RBFOX1: variants seen among roughly 807,000 people sequenced by gnomAD.
RBFOX1 encodes RNA binding fox-1 homolog 1.
Under a neutral mutation model 57.7 loss-of-function variants are expected in RBFOX1, and 8 were observed. The ratio of observed to expected loss-of-function variants is 0.14; its 90% CI spans 0.08 to 0.25. RBFOX1 has a LOEUF of 0.25. Among genes scored for constraint, RBFOX1 ranks in the 10% least tolerant of loss-of-function variants. The pLI is 1.00. For synonymous variants in RBFOX1, 326 were observed against 222.4 expected (o/e 1.47, Z -4.15); for missense variants, 611 against 548.5 (o/e 1.11, Z -1.14).
intron 1 of RBFOX1, among the ~76,000 whole-genome samples, chr16:6,248,444 T>G (rs185361697): frequency 6.6e-6 from 1 of 152,272 alleles, no homozygotes; most frequent in African/African-American, 2.4e-5. Flanking sequence ...GACATGGGTA[T>G]AAATAAGCTT....
chr16:7,120,229 G>C (rs533301816), intron 4 of RBFOX1, among the ~76,000 whole-genome samples: 103 of 151,990 alleles, frequency 6.8e-4, no homozygotes, highest in Non-Finnish European at 1.4e-3. Context: ...TTCTATTAGA[G>C]AATAAGAACG....
At chr16:7,112,891 C>G (rs914766029) in intron 4 of RBFOX1, among the ~76,000 whole-genome samples, 2 of 152,050 alleles carry the variant, frequency 1.3e-5, no homozygotes, top group African/African-American at 4.8e-5. Context: ...TATAATGCTA[C>G]TTACCTAATT....
At chr16:6,610,832 C>T (rs13334507) in intron 2 of RBFOX1, among the ~76,000 whole-genome samples, 104,548 of 152,016 alleles carry the variant, frequency 0.69, 36,692 homozygotes, top group Admixed American at 0.75. Flanking sequence ...TCTGGGCATA[C>T]ATACCACTTA....
intron 1 of RBFOX1, among the ~76,000 whole-genome samples, chr16:5,361,874 G>C (rs1596659686): frequency 6.6e-6 from 1 of 152,226 alleles, no homozygotes; most frequent in Non-Finnish European, 1.5e-5. Context: ...TTTACAGCCT[G>C]CTGCTCACAG....
chr16:7,549,306 T>G (rs2085599216), intron 5 of RBFOX1, among the ~76,000 whole-genome samples: 1 of 152,152 alleles, frequency 6.6e-6, no homozygotes, highest in Non-Finnish European at 1.5e-5. Flanking sequence ...AAGAAGTGTT[T>G]GAAATGAGGT....
chr16:5,505,686 G>A (rs773448519), intron 2 of RBFOX1, among the ~76,000 whole-genome samples: 12 of 152,150 alleles, frequency 7.9e-5, no homozygotes, highest in Non-Finnish European at 1.3e-4. Context: ...GCCTTGAATT[G>A]TGTGACAAAA....
At chr16:6,042,126 A>T (rs191044744) in intron 1 of RBFOX1, among the ~76,000 whole-genome samples, 206 of 146,950 alleles carry the variant, frequency 1.4e-3, no homozygotes, top group African/African-American at 4.9e-3. Context: ...TTTGAGACAG[A>T]GTCTCCCACT....
At chr16:7,389,472 C>T (rs913057119) in intron 4 of RBFOX1, among the ~76,000 whole-genome samples, 1 of 152,100 alleles carries the variant, frequency 6.6e-6, no homozygotes, top group Non-Finnish European at 1.5e-5. Context: ...GCTTGCTTCC[C>T]CTGAAGCCTG....
chr16:6,208,256 G>A (rs2097268314), intron 1 of RBFOX1, among the ~76,000 whole-genome samples: 1 of 151,984 alleles, frequency 6.6e-6, no homozygotes, highest in Admixed American at 6.6e-5. Flanking sequence ...TCTGGGTGAT[G>A]GGATATGGAA....
chr16:6,530,289 A>G (rs2096638898), intron 2 of RBFOX1, among the ~76,000 whole-genome samples: 1 of 152,090 alleles, frequency 6.6e-6, no homozygotes. Context: ...GTGTGCTTGC[A>G]TTCCTCTTAT....
At chr16:5,564,006 G>GT (rs202217071) in intron 2 of RBFOX1, among the ~76,000 whole-genome samples, 65 of 152,112 alleles carry the variant, frequency 4.3e-4, no homozygotes, top group Non-Finnish European at 6.8e-4. Flanking sequence ...GTAGGAGAGA[G>GT]TTTTTTTAAA....
At chr16:7,384,053 C>CAA (rs34230094) in intron 4 of RBFOX1, among the ~76,000 whole-genome samples, 22 of 95,884 alleles carry the variant, frequency 2.3e-4, no homozygotes, top group African/African-American at 3.1e-4. Context: ...GACTCCATCT[C>CAA]AAAAAAAAAA....
At chr16:7,023,564 TAAAAAAA>T (rs34056673) in intron 3 of RBFOX1, among the ~76,000 whole-genome samples, 15 of 43,928 alleles carry the variant, frequency 3.4e-4, no homozygotes, top group Middle Eastern at 0.024. Flanking sequence ...TCGTCTGTAC[TAAAAAAA>T]AAAAAAAAAA....
intron 2 of RBFOX1, among the ~76,000 whole-genome samples, chr16:5,545,955 A>C (rs963839684): frequency 2.4e-4 from 37 of 152,220 alleles, no homozygotes; most frequent in African/African-American, 8.9e-4. Flanking sequence ...TTTTTGCTGA[A>C]CAACTATGAA....
intron 3 of RBFOX1, among the ~76,000 whole-genome samples, chr16:6,896,028 G>T (rs1301273746): frequency 2.6e-5 from 4 of 152,104 alleles, no homozygotes; most frequent in African/African-American, 7.2e-5. Flanking sequence ...TATCCATTGG[G>T]TTGGGAGGCC....
chr16:5,251,352 G>C (rs560814220), intron 1 of RBFOX1, among the ~76,000 whole-genome samples: 2 of 152,254 alleles, frequency 1.3e-5, no homozygotes, highest in South Asian at 2.1e-4. Context: ...TTGACAGCAC[G>C]TTCACGGCGC....
chr16:6,021,094 C>T (rs1596442015), intron 1 of RBFOX1, among the ~76,000 whole-genome samples: 2 of 152,168 alleles, frequency 1.3e-5, no homozygotes, highest in African/African-American at 2.4e-5. Flanking sequence ...ACCCCAAAGG[C>T]GGATCTTTTC....
intron 2 of RBFOX1, among the ~76,000 whole-genome samples, chr16:5,538,117 G>A (rs1290533857): frequency 6.6e-6 from 1 of 152,162 alleles, no homozygotes; most frequent in Non-Finnish European, 1.5e-5. Context: ...GACTCGAGCA[G>A]GAACATTGAG....
rs548201106 is a variant in RBFOX1, at chr16:6,851,485, A to G, written c.-16+196835A>G. ...AAAGTTTAATTTTTAAAATTCCTTC[A>G]TATAACAACTTAGAGTTTGAAAGAT... On this transcript the variant is annotated intron_variant, in intron 3 of 15. Coordinates refer to ENST00000550418, the MANE Select transcript of RBFOX1 (RefSeq NM_018723.4). Among the ~76,000 whole-genome samples, 6 of 152,336 alleles carry G rather than the reference A, an allele frequency of 3.9e-5. No individual in the cohort carries two copies. The East Asian group carries it at 9.6e-4, about 24-fold the overall frequency.
Sources: gnomAD v4.1 joint callset for allele counts (sites outside exome capture counted in the v4.1 genomes callset) on GRCh38, gnomAD v4.1.1 for gene constraint, MANE v1.5 for transcripts, NCBI Gene and HGNC (gene_info 2026-07-23, HGNC 2026-07-21) for gene names.